The following NDST4 variants were observed in gnomAD, a reference collection of about 807,000 sequenced individuals.
NDST4 encodes the protein N-deacetylase and N-sulfotransferase 4.
NDST4 carries 63 observed loss-of-function variants against 100.8 expected under a neutral mutation model. The ratio of observed to expected loss-of-function variants is 0.62; its 90% CI spans 0.51 to 0.77. NDST4 has a LOEUF of 0.77. NDST4 is among the 30% of genes least tolerant of loss of function. NDST4 has a pLI of 0.00. For synonymous variants in NDST4, 377 were observed against 361.8 expected (o/e 1.04, Z -0.48); for missense variants, 943 against 1,018.4 (o/e 0.93, Z 1.01).
At chr4:114,896,516 T>C (rs1441879544) in intron 6 of NDST4, among the ~76,000 whole-genome samples, 1 of 150,892 alleles carries the variant, frequency 6.6e-6, no homozygotes, top group Non-Finnish European at 1.5e-5. Flanking sequence ...CCCAGCTACT[T>C]GGGAGGCTGA....
At chr4:115,039,730 G>C (rs1265435920) in intron 2 of NDST4, among the ~76,000 whole-genome samples, 1 of 152,002 alleles carries the variant, frequency 6.6e-6, no homozygotes, top group African/African-American at 2.4e-5. Flanking sequence ...ACTTAGACAA[G>C]AGTGTGTGGT....
chr4:114,969,431 T>C (rs1185370262), intron 4 of NDST4, among the ~76,000 whole-genome samples: 4 of 151,568 alleles, frequency 2.6e-5, no homozygotes, highest in Admixed American at 6.6e-5. Context: ...ACCCAAGCGA[T>C]AAGCATAGTA....
chr4:114,958,962 G>A (rs759798462), intron 4 of NDST4, among the ~76,000 whole-genome samples: 5 of 151,982 alleles, frequency 3.3e-5, no homozygotes, highest in African/African-American at 4.8e-5. Context: ...TTGGTGCTTA[G>A]AAATTTCTTC....
intron 10 of NDST4, among the ~76,000 whole-genome samples, chr4:114,841,662 A>G (rs1723429727): frequency 1.3e-5 from 2 of 152,302 alleles, no homozygotes; most frequent in East Asian, 1.9e-4. Context: ...AATTGCTTAA[A>G]TTTATAACTT....
intron 7 of NDST4, among the ~76,000 whole-genome samples, chr4:114,865,046 C>T (rs560005455): frequency 2.6e-5 from 4 of 151,434 alleles, no homozygotes; most frequent in Admixed American, 2.6e-4. Flanking sequence ...GGCATATTTA[C>T]TTTGTAGCGC....
chr4:114,892,716 C>T (rs960614976), intron 6 of NDST4, among the ~76,000 whole-genome samples: 9 of 151,598 alleles, frequency 5.9e-5, no homozygotes, highest in East Asian at 1.9e-4. Context: ...TCTCTATCTA[C>T]TTCCTAATTT....
At chr4:114,914,534 C>T (rs1230199157) in intron 6 of NDST4, among the ~76,000 whole-genome samples, 1 of 152,030 alleles carries the variant, frequency 6.6e-6, no homozygotes, top group African/African-American at 2.4e-5. Context: ...CTTTTCATTA[C>T]CCATAGGAGG....
At chr4:115,110,916 C>T (rs1729940443) in intron 1 of NDST4, among the ~76,000 whole-genome samples, 1 of 152,026 alleles carries the variant, frequency 6.6e-6, no homozygotes, top group South Asian at 2.1e-4. Context: ...AATTAGCCTT[C>T]TGGGTGCACA....
intron 2 of NDST4, among the ~76,000 whole-genome samples, chr4:114,978,903 CTTA>C (rs1421559700): frequency 6.6e-6 from 1 of 152,052 alleles, no homozygotes; most frequent in Non-Finnish European, 1.5e-5. Flanking sequence ...ATTTTATACT[CTTA>C]TTAGGAGAAT....
chr4:114,987,868 A>G (rs1035452299), intron 2 of NDST4, among the ~76,000 whole-genome samples: 11 of 152,182 alleles, frequency 7.2e-5, no homozygotes, highest in African/African-American at 2.7e-4. Flanking sequence ...ATCATGGGAA[A>G]GTGAGGTGTC....
At chr4:114,874,620 T>C (rs1286778919) in intron 6 of NDST4, among the ~76,000 whole-genome samples, 1 of 152,194 alleles carries the variant, frequency 6.6e-6, no homozygotes, top group Non-Finnish European at 1.5e-5. Context: ...TCTGGCTTGC[T>C]AAAATCACCT....
At chr4:114,908,695 A>G (rs2126213465) in intron 6 of NDST4, among the ~76,000 whole-genome samples, 1 of 152,348 alleles carries the variant, frequency 6.6e-6, no homozygotes, top group East Asian at 1.9e-4. Flanking sequence ...AAGGAGACTA[A>G]AAAATTGAGT....
intron 2 of NDST4, among the ~76,000 whole-genome samples, chr4:115,055,137 T>A (rs1728666648): frequency 6.6e-6 from 1 of 152,156 alleles, no homozygotes; most frequent in Admixed American, 6.6e-5. Flanking sequence ...CTGCCCCTTA[T>A]GAGAATCTAA....
Position 115,077,183 on chromosome 4 carries a change from T to C in NDST4, c.-147A>G, listed in dbSNP as rs1048018947. 1.1e-5 allele frequency: 8 copies of C among 745,154 alleles called. No homozygotes were observed. Among genetic ancestry groups the C allele is most frequent in the Admixed American group, 6.0e-5 (2 of 33,374 alleles). 46.2% of individuals were successfully genotyped at this position (745,154 alleles called of 1,614,324 possible). A position where few individuals can be genotyped will look rare whatever the true frequency, so the allele number is the denominator to read the frequency against. On this transcript the variant is annotated 5_prime_UTR_variant, in exon 2 of 14. Transcript: ENST00000264363. ...GTAAAATGTTTGAAGGGAGCACAAC[T>C]GAGTTAAAGCTGGAAGGCAATAGAT...
At chr4:115,057,973 A>G (rs572483386) in intron 2 of NDST4, among the ~76,000 whole-genome samples, 2 of 152,190 alleles carry the variant, frequency 1.3e-5, no homozygotes, top group South Asian at 4.1e-4. Flanking sequence ...TATAACTGTA[A>G]GCATGTGTAT....
chr4:114,975,717 A>G (rs1387590472), intron 3 of NDST4, among the ~76,000 whole-genome samples: 4 of 152,140 alleles, frequency 2.6e-5, no homozygotes, highest in East Asian at 1.9e-4. Context: ...TACAATCTAC[A>G]GCTATTTAAG....
intron 7 of NDST4, among the ~76,000 whole-genome samples, chr4:114,867,900 G>A (rs1379145232): frequency 6.6e-6 from 1 of 152,050 alleles, no homozygotes; most frequent in Non-Finnish European, 1.5e-5. Context: ...TCCAGTGAGA[G>A]ATGAGCACAA....
At chr4:114,915,421 T>G (rs1291595077) in intron 6 of NDST4, among the ~76,000 whole-genome samples, 2 of 152,186 alleles carry the variant, frequency 1.3e-5, no homozygotes, top group African/African-American at 4.8e-5. Context: ...AAGATAAATA[T>G]GCTATATGAT....
At chr4:115,111,876 A>G (rs1265502560) in intron 1 of NDST4, among the ~76,000 whole-genome samples, 2 of 151,882 alleles carry the variant, frequency 1.3e-5, no homozygotes, top group Non-Finnish European at 2.9e-5. Flanking sequence ...ATTGTTTAAT[A>G]TTGATCATCA....
Sources: allele counts gnomAD v4.1 joint callset (sites outside exome capture counted in the v4.1 genomes callset), GRCh38; gene constraint gnomAD v4.1.1; transcripts MANE v1.5; gene names NCBI Gene and HGNC (gene_info 2026-07-23, HGNC 2026-07-21).